Variants in RAVER1 observed in about 807,000 individuals in gnomAD.
RAVER1 encodes ribonucleoprotein, PTB binding 1, also known as ribonucleoprotein PTB-binding 1.
A neutral mutation model predicts 68.4 loss-of-function variants in RAVER1; 36 were observed. The ratio of observed to expected loss-of-function variants is 0.53; its 90% CI spans 0.40 to 0.70. RAVER1 has a LOEUF of 0.70. Among genes scored for constraint, RAVER1 ranks in the 30% least tolerant of loss-of-function variants. RAVER1 has a pLI of 0.00. For synonymous variants in RAVER1, 469 were observed against 472.7 expected, an observed-to-expected ratio of 0.99 and a Z score of 0.10; for missense variants, 933 against 1,019.8, an observed-to-expected ratio of 0.91 and a Z score of 1.16.
chr19:10,333,141 T>G lies in RAVER1; in HGVS notation c.219+148A>C. 3.9e-6 allele frequency: 3 copies of G among 761,006 alleles called. No individual in the cohort carries two copies. Among genetic ancestry groups the G allele is most frequent in the Non-Finnish European group, 4.1e-6 (2 of 486,868 alleles). The allele number at this position is 761,006 out of a possible 1,614,324, so 47.1% of individuals were successfully genotyped here. On this transcript the variant is annotated intron_variant, in intron 1 of 12. Coordinates refer to ENST00000617231, the MANE Select transcript of RAVER1 (RefSeq NM_133452.3). The surrounding 1 kb of genome is among the most constrained non-coding windows in gnomAD (Gnocchi z 4.2). ...ATCATCGCCCCCCCACGTCCCGCTCTTGGTCTCTCCCGATCCCGCGTGGAT... is the reference window on the plus strand; with the variant it reads ...ATCATCGCCCCCCCACGTCCCGCTCGTGGTCTCTCCCGATCCCGCGTGGAT...
Position 10,317,450 on chromosome 19 carries a change from C to G in RAVER1, c.*4G>C. 6.2e-7 allele frequency: 1 copy of G among 1,613,792 alleles called. No individual in the cohort carries two copies. Among genetic ancestry groups the G allele is most frequent in the Admixed American group, 1.7e-5 (1 of 60,010 alleles). ...GCCCTTGAGTTATCTCTGGTGCCAG[C>G]CACTTAGAAAATCCTCTTCCGCTTC... On this transcript the variant is annotated 3_prime_UTR_variant, in exon 13 of 13. Coordinates refer to ENST00000617231, the MANE Select transcript of RAVER1 (RefSeq NM_133452.3). The surrounding 1 kb of genome is among the most constrained non-coding windows in gnomAD (Gnocchi z 4.3).
intron 1 of RAVER1, among the ~76,000 whole-genome samples, 188 bp from the exon 2 acceptor site, chr19:10,330,714 A>G (rs2040508893): frequency 6.6e-6 from 1 of 152,210 alleles, no homozygotes; most frequent in Admixed American, 6.5e-5. Flanking sequence ...CAGAGATGGG[A>G]TTCAGAACCT....
intron 2 of RAVER1, 72 bp downstream of exon 2, chr19:10,330,388 A>T: frequency 1.3e-6 from 1 of 747,952 alleles, no homozygotes; most frequent in Non-Finnish European, 2.4e-6. Flanking sequence ...AGAGCAGCAG[A>T]CAGTGAGCCA....
chr19:10,330,329 G>T (rs1358651520), intron 2 of RAVER1, 131 bp downstream of exon 2: 6 of 580,794 alleles, frequency 1.0e-5, no homozygotes, highest in African/African-American at 7.5e-5. Flanking sequence ...CAGGCAGATT[G>T]GGGCAACCTG....
rs756668659 is a variant in RAVER1 at position 10,318,290 on chromosome 19, G to A, written c.1928C>T (p.Ser643Leu). 1.1e-5 allele frequency: 18 copies of A among 1,603,186 alleles called. No homozygotes were observed. Among genetic ancestry groups the A allele is most frequent in the African/African-American group, 6.7e-5 (5 of 74,540 alleles). The stretch of plus-strand genomic sequence containing the variant: ...GCCGCTGGTGAAGTAGGAAGTGGGC[G>A]AGCCTGAATAGAAGTGAGACAGGGG... ...GGPLSHFYSG[S>L]PTSYFTSGLQ... The change falls in exon 11 of 13, where the codon TCG (serine) becomes TTG (leucine). Residue 643 changes from serine (S) to leucine (L), a missense_variant. By Grantham distance (145) the Ser-to-Leu change is moderately radical. Transcript: ENST00000617231.
chr19:10,330,476 G>T lies in RAVER1; in HGVS notation c.270C>A (p.Asp90Glu). The change falls in exon 2 of 13, where the codon GAC becomes GAA. Residue 90 changes from aspartate to glutamate, a missense_variant. Transcript: ENST00000617231. ...CCCACAAACCTGTCCCTTTGTATTTGTCCACAAAACAGTATTTGAGCTCAT... is the reference window on the plus strand; with the variant it reads ...CCCACAAACCTGTCCCTTTGTATTTTTCCACAAAACAGTATTTGAGCTCAT... Reference protein sequence around the residue: ...SDYELKYCFVDKYKGTAFVTL... With the variant: ...SDYELKYCFVEKYKGTAFVTL... 6.5e-7 allele frequency: 1 copy of T among 1,531,144 alleles called. No individual in the cohort carries two copies. Among genetic ancestry groups the T allele is most frequent in the Non-Finnish European group, 8.9e-7 (1 of 1,118,632 alleles). The allele number at this position is 1,531,144 out of a possible 1,614,324, so 94.8% of individuals were successfully genotyped here. A position where few individuals can be genotyped will look rare whatever the true frequency, so the allele number is the denominator to read the frequency against.
rs1568311729 is a variant in RAVER1, at chr19:10,323,462, CA to C, written c.860del (p.Leu287ArgfsTer220). 1 of 1,609,988 alleles carries C rather than the reference CA, an allele frequency of 6.2e-7. No homozygotes were observed. The highest frequency in any genetic ancestry group is 8.5e-7 in the Non-Finnish European group (1 of 1,179,572). On this transcript the variant is annotated frameshift_variant, in exon 4 of 13. Transcript: ENST00000617231. LOFTEE classifies it high-confidence loss of function. This position sits in a 1 kb window ranked among gnomAD's most constrained non-coding sequence, Gnocchi z 6.2. ...AGGAGACTCGCAGGTGGCTGCCCCCCAGGGACAGGCCGTCCGCCTGCTGCTG... is the reference window on the plus strand; with the variant it reads ...AGGAGACTCGCAGGTGGCTGCCCCCCGGGACAGGCCGTCCGCCTGCTGCTG... ...EAQQQADGLSLGGSHLRVSFC... is the reference protein window; with the variant it reads ...EAQQQADGLSXGGSHLRVSFC...
intron 1 of RAVER1, among the ~76,000 whole-genome samples, chr19:10,331,494 T>C (rs1177727427): frequency 6.8e-6 from 1 of 147,492 alleles, no homozygotes; most frequent in Non-Finnish European, 1.5e-5. Context: ...GAGACCATCC[T>C]GGCCAGGAAG....
chr19:10,319,182 C>A lies in RAVER1; in HGVS notation c.1829G>T (p.Gly610Val). 1 of 1,613,830 alleles carries A rather than the reference C, an allele frequency of 6.2e-7. No homozygotes were observed. The highest frequency in any genetic ancestry group is 1.1e-5 in the South Asian group (1 of 91,064). ...HPREPALGPH[G>V]PSRHKMSPPP... is the part of the protein sequence containing the mutation. ...GGCTCTTACCTTGTGTCGGCTGGGTCCGTGAGGCCCAAGGGCTGGTTCCCG... is the reference window on the plus strand; with the variant it reads ...GGCTCTTACCTTGTGTCGGCTGGGTACGTGAGGCCCAAGGGCTGGTTCCCG... The change falls in exon 10 of 13, where the codon GGA becomes GTA. Residue 610 changes from glycine (G) to valine (V), a missense_variant. Around this residue, in one of 3 missense-constraint regions of RAVER1, gnomAD observed 699 missense variants for 731.1 expected, o/e 0.96. Coordinates refer to ENST00000617231, the MANE Select transcript of RAVER1 (RefSeq NM_133452.3).
At chr19:10,318,525 A>AT (rs943788957) in intron 10 of RAVER1, among the ~76,000 whole-genome samples, 153 bp from the exon 11 acceptor site, 1 of 151,892 alleles carries the variant, frequency 6.6e-6, no homozygotes, top group Admixed American at 6.6e-5. Flanking sequence ...TGCCCAGCTA[A>AT]TTTTTTGTAT....
At position 10,328,861 on chromosome 19, in the gene RAVER1, C is replaced by T; in HGVS notation, c.537G>A (p.Glu179=). ...TGQSKGYGFA[E]YMKKDSAARA... ...GGGCAGCCGAGTCCTTCTTCATGTA[C>T]TCAGCAAAGCCATAGCCCTTGGATT... The change falls in exon 3 of 13, where the codon GAG becomes GAA. Residue 179 remains glutamate, a synonymous_variant. Transcript: ENST00000617231. The surrounding 1 kb of genome is among the most constrained non-coding windows in gnomAD (Gnocchi z 4.4). The T allele has an allele frequency of 1.2e-6, 2 of 1,613,418 alleles. No homozygotes were observed. The highest frequency in any genetic ancestry group is 1.3e-5 in the African/African-American group (1 of 75,068).
chr19:10,331,701 A>AAC (rs1568314288), intron 1 of RAVER1, among the ~76,000 whole-genome samples: 1 of 151,212 alleles, frequency 6.6e-6, no homozygotes, highest in African/African-American at 2.4e-5. Flanking sequence ...AAAAAAAAAA[A>AAC]AAAAAAGAGT....
Position 10,316,258 on chromosome 19 carries a change from G to A in RAVER1, c.*1196C>T. The A allele has an allele frequency of 7.6e-7, 1 of 1,315,746 alleles. No individual in the cohort carries two copies. The highest frequency in any genetic ancestry group is 3.5e-5 in the East Asian group (1 of 28,542). 81.5% of individuals were successfully genotyped at this position (1,315,746 alleles called of 1,614,324 possible). ...ACAAACTTTAATTCAGCAAAGGTCC[G>A]TGTGGGGAGACTGGGGTGGGGTCGG... On this transcript the variant is annotated 3_prime_UTR_variant, in exon 13 of 13. Transcript: ENST00000617231.
Position 10,317,183 on chromosome 19 carries a change from T to TGGG in RAVER1, c.*268_*270dup. The TGGG allele has an allele frequency of 2.0e-6, 1 of 490,092 alleles. No individual in the cohort carries two copies. Among genetic ancestry groups the TGGG allele is most frequent in the African/African-American group, 2.1e-5 (1 of 48,330 alleles). The allele number at this position is 490,092 out of a possible 1,614,324, so 30.4% of individuals were successfully genotyped here. On this transcript the variant is annotated 3_prime_UTR_variant, in exon 13 of 13. Transcript: ENST00000617231. The surrounding 1 kb of genome is among the most constrained non-coding windows in gnomAD (Gnocchi z 4.3). ...GAGACGGGCACAGCGGAGGAGGAGA[T>TGGG]GGGGGGAGGGAGGGAGAGCAGGCCG...
chr19:10,328,468 C>A lies in RAVER1; in HGVS notation c.756+174G>T, dbSNP rs2145080973. On this transcript the variant is annotated intron_variant, in intron 3 of 12. Transcript: ENST00000617231. The surrounding 1 kb of genome is among the most constrained non-coding windows in gnomAD (Gnocchi z 4.4). The stretch of plus-strand genomic sequence containing the variant: ...TCTGGAGGTTAAGGCAAGAGAATTG[C>A]TTGAACCAAAGAGGCGGAGGTTGCA... Among the ~76,000 whole-genome samples, 1 of 152,194 alleles carries A rather than the reference C, an allele frequency of 6.6e-6. No homozygotes were observed. Among genetic ancestry groups the A allele is most frequent in the South Asian group, 2.1e-4 (1 of 4,832 alleles).
chr19:10,327,783 C>T lies in RAVER1; in HGVS notation c.756+859G>A, dbSNP rs138311899. Among the ~76,000 whole-genome samples, 20 of 152,294 alleles carry T rather than the reference C, an allele frequency of 1.3e-4. No individual in the cohort carries two copies. The East Asian group carries it at 3.5e-3, about 26-fold the overall frequency. ...AAGGTTACGTACTCAGAGTCCACAGCGAGTGCTGGGGGAATGTCCCCTTTG... is the reference window on the plus strand; with the variant it reads ...AAGGTTACGTACTCAGAGTCCACAGTGAGTGCTGGGGGAATGTCCCCTTTG... On this transcript the variant is annotated intron_variant, in intron 3 of 12. Coordinates refer to ENST00000617231, the MANE Select transcript of RAVER1 (RefSeq NM_133452.3).
intron 3 of RAVER1, among the ~76,000 whole-genome samples, chr19:10,325,792 C>CAAA (rs767011564): frequency 4.5e-5 from 6 of 133,036 alleles, no homozygotes; most frequent in African/African-American, 1.7e-4. Flanking sequence ...GAACCTGTCT[C>CAAA]AAAAAAAAAA....
At position 10,316,433 on chromosome 19, in the gene RAVER1, G is replaced by T; in HGVS notation, c.*1021C>A. 1 of 1,009,326 alleles carries T rather than the reference G, an allele frequency of 9.9e-7. No individual in the cohort carries two copies. Among genetic ancestry groups the T allele is most frequent in the Non-Finnish European group, 1.2e-6 (1 of 845,412 alleles). 62.5% of individuals were successfully genotyped at this position (1,009,326 alleles called of 1,614,324 possible). A position where few individuals can be genotyped will look rare whatever the true frequency, so the allele number is the denominator to read the frequency against. On this transcript the variant is annotated 3_prime_UTR_variant, in exon 13 of 13. Transcript: ENST00000617231. ...CAGAGTTTATCTTCATGGAGTGCTG[G>T]TTTCTGGCACTGGGCTGGAAGGAGG... is the stretch of plus-strand genomic sequence containing the variant.
chr19:10,332,061 CAT>C (rs1429766724), intron 1 of RAVER1, among the ~76,000 whole-genome samples: 1 of 152,156 alleles, frequency 6.6e-6, no homozygotes, highest in Non-Finnish European at 1.5e-5. Context: ...GTAGCACAAT[CAT>C]AGCTCACTGC....
Sources: allele counts gnomAD v4.1 joint callset (sites outside exome capture counted in the v4.1 genomes callset), GRCh38; gene constraint gnomAD v4.1.1; regional missense constraint gnomAD v4.1.1; non-coding constraint Gnocchi (gnomAD v3.1); transcripts MANE v1.5; gene names NCBI Gene and HGNC (gene_info 2026-07-23, HGNC 2026-07-21).